Variants in LSP1 observed in about 807,000 individuals in gnomAD.
The protein encoded by LSP1 is lymphocyte-specific protein 1.
Under a neutral mutation model 49.3 loss-of-function variants are expected in LSP1, and 32 were observed. That is an observed-to-expected ratio of 0.65 (90% CI 0.49 to 0.87). The LOEUF is 0.87. Among genes scored for constraint, LSP1 ranks in the 40% least tolerant of loss-of-function variants. The probability of loss-of-function intolerance (pLI) is 0.00; values close to 1 mark genes in which losing one functional copy is unlikely to be tolerated. For missense variants in LSP1, 428 were observed against 442.6 expected (o/e 0.97, Z 0.30); for synonymous variants, 179 against 178.8 (o/e 1.00, Z -0.01).
intron 3 of LSP1, among the ~76,000 whole-genome samples, chr11:1,883,065 C>T (rs1027883941): frequency 6.6e-6 from 1 of 152,184 alleles, no homozygotes; most frequent in Non-Finnish European, 1.5e-5. Context: ...GCGGGGACCC[C>T]GTCAGACCAA....
At chr11:1,879,587 C>T (rs1028954464) in intron 1 of LSP1, among the ~76,000 whole-genome samples, 1 of 152,198 alleles carries the variant, frequency 6.6e-6, no homozygotes, top group Admixed American at 6.5e-5. Flanking sequence ...CTCCAACACG[C>T]CCTGCCTTTG....
At chr11:1,856,670 G>A (rs1036123130) in intron 1 of LSP1, among the ~76,000 whole-genome samples, 1 of 152,256 alleles carries the variant, frequency 6.6e-6, no homozygotes, top group Non-Finnish European at 1.5e-5. Context: ...TCTGAAGGAG[G>A]AAGGGGCTGG....
Position 1,887,596 on chromosome 11 carries a change from C to T in LSP1, c.*13+20C>T. ...ATCTCGGTGAGTCCCTGGCAACTCA[C>T]AGAAGGGGATGAGGTGCACACACGT... On this transcript the variant is annotated intron_variant, in intron 10 of 10. Transcript: ENST00000311604. 6.3e-7 allele frequency: 1 copy of T among 1,590,788 alleles called. No individual in the cohort carries two copies. Among genetic ancestry groups the T allele is most frequent in the Non-Finnish European group, 8.6e-7 (1 of 1,159,862 alleles).
In LSP1 at chr11:1,884,726, C is replaced by T; in HGVS notation, c.717+145C>T. 1.5e-6 allele frequency: 1 copy of T among 662,552 alleles called. No homozygotes were observed. 41.0% of individuals were successfully genotyped at this position (662,552 alleles called of 1,614,324 possible). A position where few individuals can be genotyped will look rare whatever the true frequency, so the allele number is the denominator to read the frequency against. On this transcript the variant is annotated intron_variant, in intron 7 of 10. Coordinates refer to ENST00000311604, the MANE Select transcript of LSP1 (RefSeq NM_002339.3). The surrounding 1 kb of genome is among the most constrained non-coding windows in gnomAD (Gnocchi z 4.1). ...CAATGCTTCTCCATCCAGTCAGTGC[C>T]CCTCTACCCAATCAATGCCCCTCCA...
At chr11:1,856,205 C>T (rs751119404) in intron 1 of LSP1, among the ~76,000 whole-genome samples, 1 of 152,222 alleles carries the variant, frequency 6.6e-6, no homozygotes, top group Non-Finnish European at 1.5e-5. Flanking sequence ...TCAGGATGAC[C>T]CTACCCCCAG....
rs7130496 is a variant in LSP1, at chr11:1,878,167, G to A, written c.54-1920G>A. Among the ~76,000 whole-genome samples the A allele has an allele frequency of 9.7e-3, 1,479 of 152,180 alleles. 26 individuals carry two copies. Among genetic ancestry groups the A allele is most frequent in the African/African-American group, 0.032 (1,332 of 41,514 alleles). ...TGGAGGGGCTGGGACATGGGAACAC[G>A]GGGAGCAATATGGCCAGGCTTCCCC... On this transcript the variant is annotated intron_variant, in intron 1 of 10. Coordinates refer to ENST00000311604, the MANE Select transcript of LSP1 (RefSeq NM_002339.3).
rs1589825247 is a variant in LSP1, at chr11:1,879,914, C to T, written c.54-173C>T. On this transcript the variant is annotated intron_variant, in intron 1 of 10. Coordinates refer to ENST00000311604, the MANE Select transcript of LSP1 (RefSeq NM_002339.3). ...GGGCACCTCATGACCACGTGGGCAG[C>T]CTCTATTTAAAGATGGACAAGGTGA... 4.4e-6 allele frequency: 3 copies of T among 676,676 alleles called. No individual in the cohort carries two copies. In the East Asian group the frequency reaches 9.6e-5, roughly 22 times the overall value. The allele number at this position is 676,676 out of a possible 1,614,324, so 41.9% of individuals were successfully genotyped here. A position where few individuals can be genotyped will look rare whatever the true frequency, so the allele number is the denominator to read the frequency against.
chr11:1,858,562 CT>C (rs1246632208), intron 1 of LSP1, among the ~76,000 whole-genome samples: 1 of 152,220 alleles, frequency 6.6e-6, no homozygotes, highest in Non-Finnish European at 1.5e-5. Flanking sequence ...TCGAAGAGGG[CT>C]TTCCACATGC....
chr11:1,867,164 C>T (rs1172453461), intron 1 of LSP1, among the ~76,000 whole-genome samples: 4 of 152,120 alleles, frequency 2.6e-5, no homozygotes, highest in East Asian at 1.9e-4. Flanking sequence ...CATAAGGACC[C>T]GTCCCTTTGA....
chr11:1,870,969 G>C, intron 1 of LSP1: 1 of 985,888 alleles, frequency 1.0e-6, no homozygotes, highest in Non-Finnish European at 1.2e-6. Context: ...GCTGTCGGTG[G>C]ACCTGTAGGT....
intron 1 of LSP1, among the ~76,000 whole-genome samples, chr11:1,874,199 T>C (rs539332410): frequency 0.021 from 701 of 34,150 alleles, 65 homozygotes; most frequent in African/African-American, 0.026. Flanking sequence ...GGGGGCAGGC[T>C]GGGGACAGTG....
At chr11:1,871,413 G>A in intron 1 of LSP1, 1 of 986,360 alleles carries the variant, frequency 1.0e-6, no homozygotes, top group Non-Finnish European at 1.2e-6. Flanking sequence ...ATCAAAAGAG[G>A]TAGGGCACCC....
intron 1 of LSP1, among the ~76,000 whole-genome samples, chr11:1,873,097 G>A (rs1848113141): frequency 6.6e-6 from 1 of 151,884 alleles, no homozygotes; most frequent in Non-Finnish European, 1.5e-5. Context: ...AGGGAGAGGT[G>A]GAGGCAGGGG....
chr11:1,866,881 C>T (rs755253787), intron 1 of LSP1: 67 of 1,531,216 alleles, frequency 4.4e-5, no homozygotes, highest in Non-Finnish European at 3.2e-5. Context: ...GAGCATCCGT[C>T]CAGCGGGCCC....
chr11:1,860,565 C>T lies in LSP1; in HGVS notation c.53+7368C>T, dbSNP rs749994796. ...ATATATGGATGTTTGGATGAAAGAA[C>T]GAATGGATGGGTGGATAGATAAATG... On this transcript the variant is annotated intron_variant, in intron 1 of 10. Coordinates refer to ENST00000311604, the MANE Select transcript of LSP1 (RefSeq NM_002339.3). Among the ~76,000 whole-genome samples the T allele has an allele frequency of 1.4e-4, 22 of 151,854 alleles. No individual in the cohort carries two copies. The South Asian group carries it at 1.5e-3, about 10-fold the overall frequency.
At chr11:1,854,380 G>T (rs1212600050) in intron 1 of LSP1, among the ~76,000 whole-genome samples, 1 of 152,198 alleles carries the variant, frequency 6.6e-6, no homozygotes, top group East Asian at 1.9e-4. Flanking sequence ...GAGGGTCCCG[G>T]TCTACCCGAC....
At chr11:1,890,691 G>A in intron 10 of LSP1, 2 of 621,708 alleles carry the variant, frequency 3.2e-6, no homozygotes, top group Non-Finnish European at 5.8e-6. Flanking sequence ...GGCCAGGGGT[G>A]TGGAGGCCTG....
chr11:1,869,369 G>C (rs1314973950), intron 1 of LSP1: 1 of 311,196 alleles, frequency 3.2e-6, no homozygotes, highest in Non-Finnish European at 6.4e-6. Context: ...GAAAGCGAAG[G>C]CACGAGAAAG....
intron 1 of LSP1, among the ~76,000 whole-genome samples, chr11:1,877,528 C>G (rs1848362036): frequency 6.6e-6 from 1 of 152,202 alleles, no homozygotes; most frequent in Non-Finnish European, 1.5e-5. Flanking sequence ...AGAGTACACA[C>G]CTGGGCCTCG....
Sources: allele counts gnomAD v4.1 joint callset (sites outside exome capture counted in the v4.1 genomes callset), GRCh38; gene constraint gnomAD v4.1.1; non-coding constraint Gnocchi (gnomAD v3.1); transcripts MANE v1.5; gene names NCBI Gene and HGNC (gene_info 2026-07-23, HGNC 2026-07-21).